Variants in AGBL1 observed in about 807,000 individuals in gnomAD.
The protein encoded by AGBL1 is cytosolic carboxypeptidase 4.
AGBL1 carries 130 observed loss-of-function variants against 118.9 expected under a neutral mutation model. The observed-to-expected ratio is 1.09, with a 90% CI of 0.95 to 1.26. AGBL1 has a LOEUF of 1.26. Ranked by LOEUF, AGBL1 falls within the 50% of genes most tolerant of loss-of-function variation. AGBL1 has a pLI of 0.00. For missense variants in AGBL1, 1,584 were observed against 1,298.1 expected (o/e 1.22, Z -3.38); for synonymous variants, 555 against 478.9 (o/e 1.16, Z -2.08).
intron 23 of AGBL1, among the ~76,000 whole-genome samples, chr15:86,930,375 G>A (rs867726766): frequency 4.6e-5 from 7 of 152,106 alleles, no homozygotes; most frequent in Non-Finnish European, 1.0e-4. Context: ...AGGGGTCAGC[G>A]TGAGGCAGGG....
chr15:86,964,030 T>G (rs1329702180), intron 23 of AGBL1, among the ~76,000 whole-genome samples: 2 of 144,300 alleles, frequency 1.4e-5, no homozygotes, highest in South Asian at 4.4e-4. Context: ...TCTCTCTCTC[T>G]CTGTGTGTGT....
chr15:86,672,477 C>G (rs1336583605), intron 21 of AGBL1, among the ~76,000 whole-genome samples: 1 of 152,146 alleles, frequency 6.6e-6, no homozygotes, highest in African/African-American at 2.4e-5. Context: ...CTGCTGGAGG[C>G]TGGGGTTGCA....
At chr15:86,673,787 G>T (rs1422738079) in intron 21 of AGBL1, among the ~76,000 whole-genome samples, 10 of 152,032 alleles carry the variant, frequency 6.6e-5, no homozygotes, top group Admixed American at 5.2e-4. Context: ...ATGAATACTG[G>T]TTTTTTAAAG....
chr15:86,958,428 T>A (rs550853781), intron 23 of AGBL1, among the ~76,000 whole-genome samples: 184 of 152,032 alleles, frequency 1.2e-3, no homozygotes, highest in African/African-American at 4.2e-3. Context: ...TTAGCATAGG[T>A]ATAGACAAGA....
chr15:86,218,861 G>C (rs576472850), intron 5 of AGBL1, among the ~76,000 whole-genome samples: 1 of 152,178 alleles, frequency 6.6e-6, no homozygotes, highest in African/African-American at 2.4e-5. Flanking sequence ...CCCCAGTTGA[G>C]CCTCAAGATG....
intron 22 of AGBL1, among the ~76,000 whole-genome samples, chr15:86,826,211 A>C (rs1157499852): frequency 6.6e-6 from 1 of 152,092 alleles, no homozygotes; most frequent in African/African-American, 2.4e-5. Flanking sequence ...TATTAAGGAG[A>C]TAGAGATCCC....
intron 8 of AGBL1, 86 bp downstream of exon 8, chr15:86,257,104 C>A: frequency 6.6e-6 from 9 of 1,371,746 alleles, no homozygotes; most frequent in South Asian, 2.9e-5. Flanking sequence ...AAATAGAATT[C>A]GTTATTTTAT....
intron 3 of AGBL1, among the ~76,000 whole-genome samples, chr15:86,146,869 G>C (rs1376149159): frequency 6.6e-6 from 1 of 152,092 alleles, no homozygotes; most frequent in Non-Finnish European, 1.5e-5. Context: ...TAGTCCAGAG[G>C]TACATATCAG....
At chr15:86,247,460 T>G (rs77624581) in intron 6 of AGBL1, among the ~76,000 whole-genome samples, 2 of 152,198 alleles carry the variant, frequency 1.3e-5, no homozygotes, top group Non-Finnish European at 2.9e-5. Flanking sequence ...TCTCAGTGTA[T>G]CATATCGGGT....
rs1000752306 is a variant in AGBL1 at position 86,658,852 on chromosome 15, T to G, written c.2995-15421T>G. Among the ~76,000 whole-genome samples the G allele has an allele frequency of 3.3e-5, 5 of 152,144 alleles. 1 individual carries two copies. Among genetic ancestry groups the G allele is most frequent in the African/African-American group, 1.2e-4 (5 of 41,430 alleles). ...AAACACTAAGGAGAGCAATCCTCCA[T>G]GTTGGTATGTAGAGATAAATCATAG... On this transcript the variant is annotated intron_variant, in intron 21 of 22. Coordinates refer to ENST00000614907, the MANE Select transcript of AGBL1 (RefSeq NM_001386094.1).
Position 86,807,184 on chromosome 15 carries a change from A to G in AGBL1, c.3159-99903A>G, listed in dbSNP as rs79086465. On this transcript the variant is annotated intron_variant, in intron 22 of 22. Coordinates refer to ENST00000614907, the MANE Select transcript of AGBL1 (RefSeq NM_001386094.1). Reference sequence around the variant, plus strand: ...AACAGAGCTGCTCAGCCAATGTGCCATGCATTCGTTACAAGCAAGCCAAAT... The same window carrying G: ...AACAGAGCTGCTCAGCCAATGTGCCGTGCATTCGTTACAAGCAAGCCAAAT... 9.0e-4 allele frequency among the ~76,000 whole-genome samples: 137 copies of G among 152,286 alleles called. 1 individual carries two copies. Among genetic ancestry groups the G allele is most frequent in the African/African-American group, 3.2e-3 (133 of 41,576 alleles).
intron 22 of AGBL1, among the ~76,000 whole-genome samples, chr15:86,862,750 AAAAC>A (rs1315924957): frequency 6.6e-6 from 1 of 152,194 alleles, no homozygotes; most frequent in East Asian, 1.9e-4. Context: ...TACGAATACA[AAAAC>A]AAAGTTCTTT....
At chr15:86,926,341 C>A (rs1004091339) in intron 23 of AGBL1, among the ~76,000 whole-genome samples, 1 of 152,198 alleles carries the variant, frequency 6.6e-6, no homozygotes, top group South Asian at 2.1e-4. Flanking sequence ...TCGTTCTGGT[C>A]CTAGAAACTT....
chr15:86,210,893 G>C (rs530551112), intron 5 of AGBL1, among the ~76,000 whole-genome samples: 2 of 152,286 alleles, frequency 1.3e-5, no homozygotes, highest in African/African-American at 4.8e-5. Context: ...AAGGAGAAAA[G>C]GCACTCTGGT....
intron 22 of AGBL1, among the ~76,000 whole-genome samples, chr15:86,849,050 T>C (rs2079359442): frequency 6.6e-6 from 1 of 152,212 alleles, no homozygotes; most frequent in South Asian, 2.1e-4. Context: ...CTGGATCCAA[T>C]GCTCAGTGTT....
At chr15:86,201,937 A>G (rs564748065) in intron 5 of AGBL1, among the ~76,000 whole-genome samples, 54 of 152,242 alleles carry the variant, frequency 3.5e-4, no homozygotes, top group African/African-American at 1.3e-3. Flanking sequence ...CTGGCAGACA[A>G]AGAAGGCCAA....
At chr15:86,564,341 C>T (rs2083879110) in intron 21 of AGBL1, among the ~76,000 whole-genome samples, 1 of 152,148 alleles carries the variant, frequency 6.6e-6, no homozygotes, top group South Asian at 2.1e-4. Flanking sequence ...GACACAATCT[C>T]TCAGCATTTG....
chr15:86,221,554 G>A (rs976554341), intron 5 of AGBL1, among the ~76,000 whole-genome samples: 1 of 152,166 alleles, frequency 6.6e-6, no homozygotes, highest in Non-Finnish European at 1.5e-5. Flanking sequence ...GTGGACCAGC[G>A]CTGCAGACAT....
chr15:86,230,359 C>G (rs1434120286), intron 6 of AGBL1, among the ~76,000 whole-genome samples: 3 of 152,186 alleles, frequency 2.0e-5, no homozygotes, highest in Non-Finnish European at 2.9e-5. Context: ...CAAATCAGGT[C>G]TTTATAAGAA....
Sources: gnomAD v4.1 joint callset for allele counts (sites outside exome capture counted in the v4.1 genomes callset) on GRCh38, gnomAD v4.1.1 for gene constraint, MANE v1.5 for transcripts, NCBI Gene and HGNC (gene_info 2026-07-23, HGNC 2026-07-21) for gene names.